Variants in LINGO2 observed in about 807,000 individuals in gnomAD.
LINGO2 encodes leucine-rich repeat and immunoglobulin-like domain-containing nogo receptor-interacting protein 2.
A neutral mutation model predicts 30.6 loss-of-function variants in LINGO2; 14 were observed. The ratio of observed to expected loss-of-function variants is 0.46; its 90% confidence interval spans 0.30 to 0.72. LINGO2 has a LOEUF of 0.72. Among genes scored for constraint, LINGO2 ranks in the 30% least tolerant of loss-of-function variants. The probability of loss-of-function intolerance (pLI) is 0.07; values close to 1 mark genes in which losing one functional copy is unlikely to be tolerated. For synonymous variants in LINGO2, 317 were observed against 288.5 expected (o/e 1.10, Z -1.00); for missense variants, 729 against 751.7 (o/e 0.97, Z 0.35).
the LINGO2 span, among the ~76,000 whole-genome samples, chr9:28,918,781 A>G: frequency 1.3e-5 from 2 of 152,158 alleles, no homozygotes; most frequent in African/African-American, 4.8e-5. Flanking sequence ...GCTATCAATT[A>G]GAAAAACATG....
chr9:29,119,865 T>C, the LINGO2 span, among the ~76,000 whole-genome samples: 1 of 152,158 alleles, frequency 6.6e-6, no homozygotes, highest in African/African-American at 2.4e-5. Flanking sequence ...CCCAAAGTGC[T>C]TGTAATTCTT....
At chr9:28,916,524 A>G in the LINGO2 span, among the ~76,000 whole-genome samples, 1 of 152,318 alleles carries the variant, frequency 6.6e-6, no homozygotes, top group South Asian at 2.1e-4. Flanking sequence ...TAGTCTTTAG[A>G]TAAACTCTTT....
chr9:28,511,755 A>C (rs2135364751), intron 1 of LINGO2, among the ~76,000 whole-genome samples: 1 of 152,322 alleles, frequency 6.6e-6, no homozygotes, highest in Non-Finnish European at 1.5e-5. Flanking sequence ...CACTGGCTAC[A>C]GCCCATGCAT....
At chr9:28,931,881 G>C in the LINGO2 span, among the ~76,000 whole-genome samples, 4 of 151,320 alleles carry the variant, frequency 2.6e-5, no homozygotes, top group Non-Finnish European at 5.9e-5. Context: ...AGGCTGAGGC[G>C]GGTGGGTCAT....
the LINGO2 span, among the ~76,000 whole-genome samples, chr9:29,078,802 A>G: frequency 2.0e-5 from 3 of 151,984 alleles, no homozygotes; most frequent in African/African-American, 7.2e-5. Context: ...AATTTGTCCC[A>G]TTATCTTAAA....
chr9:28,830,381 A>T, the LINGO2 span, among the ~76,000 whole-genome samples: 1 of 152,098 alleles, frequency 6.6e-6, no homozygotes, highest in East Asian at 1.9e-4. Context: ...TTGTCCACAG[A>T]TTGGGGATTG....
intron 1 of LINGO2, among the ~76,000 whole-genome samples, chr9:28,665,397 C>CCA (rs370541338): frequency 6.6e-6 from 1 of 151,894 alleles, no homozygotes; most frequent in South Asian, 2.1e-4. Flanking sequence ...TCCTTGTATT[C>CCA]CACACACACA....
chr9:28,745,707 T>A, the LINGO2 span, among the ~76,000 whole-genome samples: 1 of 152,052 alleles, frequency 6.6e-6, no homozygotes, highest in Non-Finnish European at 1.5e-5. Context: ...TATTTTATTT[T>A]AAAAATCAAG....
intron 4 of LINGO2, among the ~76,000 whole-genome samples, chr9:28,131,509 G>A (rs1827377816): frequency 6.6e-6 from 1 of 152,020 alleles, no homozygotes. Context: ...ATAAATATAT[G>A]CTTAATAAAT....
the LINGO2 span, among the ~76,000 whole-genome samples, chr9:29,130,910 G>T: frequency 1.3e-5 from 2 of 152,148 alleles, no homozygotes; most frequent in Admixed American, 1.3e-4. Flanking sequence ...TGTGATACCT[G>T]AAGCCTGAGA....
At chr9:28,482,051 C>G (rs1192625039) in intron 1 of LINGO2, among the ~76,000 whole-genome samples, 3 of 152,000 alleles carry the variant, frequency 2.0e-5, no homozygotes, top group African/African-American at 7.3e-5. Flanking sequence ...GGTTCCAAGT[C>G]TTTGCTATTG....
At chr9:28,466,901 A>AATT (rs1825328268) in intron 2 of LINGO2, among the ~76,000 whole-genome samples, 1 of 152,184 alleles carries the variant, frequency 6.6e-6, no homozygotes, top group African/African-American at 2.4e-5. Flanking sequence ...ATGGTGTTAC[A>AATT]AACTGGTTAA....
chr9:28,052,268 G>A (rs1824712135), intron 4 of LINGO2, among the ~76,000 whole-genome samples: 1 of 152,116 alleles, frequency 6.6e-6, no homozygotes, highest in Non-Finnish European at 1.5e-5. Context: ...GTCACTTCAT[G>A]AAAACTAGCC....
chr9:28,649,790 C>T (rs897558297), intron 1 of LINGO2, among the ~76,000 whole-genome samples: 2 of 151,734 alleles, frequency 1.3e-5, no homozygotes, highest in African/African-American at 2.4e-5. Context: ...AATAAAAATA[C>T]AAGAAGGGGT....
At chr9:28,346,458 T>G (rs1261110092) in intron 3 of LINGO2, among the ~76,000 whole-genome samples, 1 of 152,168 alleles carries the variant, frequency 6.6e-6, no homozygotes, top group Non-Finnish European at 1.5e-5. Flanking sequence ...TTTGGGTTGG[T>G]TCCATGTCTT....
the LINGO2 span, among the ~76,000 whole-genome samples, chr9:28,938,856 A>G: frequency 1.3e-5 from 2 of 152,108 alleles, no homozygotes; most frequent in Non-Finnish European, 2.9e-5. Flanking sequence ...ACTATTTCTC[A>G]TATCTATGAT....
At chr9:27,940,103 T>A in the LINGO2 span, 1 of 152,184 alleles carries the variant, frequency 6.6e-6, no homozygotes, top group Non-Finnish European at 1.5e-5. Flanking sequence ...ATAGGGAGAA[T>A]CCACATATTT....
At chr9:28,803,310 T>TGTGTGA in the LINGO2 span, among the ~76,000 whole-genome samples, 1 of 151,466 alleles carries the variant, frequency 6.6e-6, no homozygotes, top group East Asian at 1.9e-4. Flanking sequence ...GGAGTGTGTG[T>TGTGTGA]GTGTGAGTGT....
chr9:29,173,000 A>C, the LINGO2 span, among the ~76,000 whole-genome samples: 1 of 152,036 alleles, frequency 6.6e-6, no homozygotes, highest in Non-Finnish European at 1.5e-5. Flanking sequence ...ATGTTATTCT[A>C]TTAAGCATGT....
Sources: allele counts gnomAD v4.1 joint callset (sites outside exome capture counted in the v4.1 genomes callset), GRCh38; gene constraint gnomAD v4.1.1; transcripts MANE v1.5; gene names NCBI Gene and HGNC (gene_info 2026-07-23, HGNC 2026-07-21).